The following MECOM variants were observed in gnomAD, a reference collection of about 807,000 sequenced individuals.
The protein encoded by MECOM is MDS1 and EVI1 complex locus, also known as histone-lysine N-methyltransferase MECOM.
MECOM carries 13 observed loss-of-function variants against 116.3 expected under a neutral mutation model. The ratio of observed to expected loss-of-function variants is 0.11; its 90% confidence interval spans 0.07 to 0.18. The LOEUF (loss-of-function observed/expected upper bound fraction) is 0.18, where lower values mean the gene tolerates loss of function less well. Ranked by LOEUF, MECOM falls within the 10% of genes least tolerant of loss-of-function variation. The pLI, the probability that MECOM is intolerant of heterozygous loss-of-function variation, is 1.00. For synonymous variants in MECOM, 528 were observed against 535.2 expected (o/e 0.99, Z 0.19); for missense variants, 1,299 against 1,509.0 (o/e 0.86, Z 2.31).
chr3:169,630,859 G>T (rs1193762997), intron 1 of MECOM, among the ~76,000 whole-genome samples: 1 of 152,156 alleles, frequency 6.6e-6, no homozygotes, highest in African/African-American at 2.4e-5. Context: ...CCACTACTTG[G>T]TTTGCATAAA....
At chr3:169,402,919 G>T (rs893208288) in intron 1 of MECOM, among the ~76,000 whole-genome samples, 1 of 152,062 alleles carries the variant, frequency 6.6e-6, no homozygotes, top group African/African-American at 2.4e-5. Flanking sequence ...CTCAGGAAAG[G>T]CTCCAAAACC....
intron 16 of MECOM, among the ~76,000 whole-genome samples, chr3:169,087,590 C>T (rs1334653813): frequency 6.6e-6 from 1 of 152,088 alleles, no homozygotes; most frequent in African/African-American, 2.4e-5. Context: ...GAGTGAGACC[C>T]TGTCTCAAAA....
chr3:169,178,165 A>C (rs1192294922), intron 2 of MECOM, among the ~76,000 whole-genome samples: 2 of 152,218 alleles, frequency 1.3e-5, no homozygotes, highest in African/African-American at 2.4e-5. Context: ...ATACATGTAT[A>C]TATGAAATGT....
At chr3:169,482,965 G>T (rs988049605) in intron 1 of MECOM, among the ~76,000 whole-genome samples, 3 of 152,090 alleles carry the variant, frequency 2.0e-5, no homozygotes, top group African/African-American at 7.2e-5. Context: ...AAGATTAATT[G>T]TTCCTGTAAA....
chr3:169,644,656 T>C (rs1333737779), intron 1 of MECOM, among the ~76,000 whole-genome samples: 1 of 152,206 alleles, frequency 6.6e-6, no homozygotes, highest in African/African-American at 2.4e-5. Context: ...TTTCAACAAT[T>C]GAACCATCAT....
At chr3:169,171,534 C>T (rs1405508483) in intron 2 of MECOM, among the ~76,000 whole-genome samples, 4 of 151,470 alleles carry the variant, frequency 2.6e-5, no homozygotes, top group African/African-American at 9.7e-5. Context: ...CTATTGTAAT[C>T]CTTTAAAAAG....
At chr3:169,248,027 G>T (rs1292317558) in intron 2 of MECOM, among the ~76,000 whole-genome samples, 2 of 152,186 alleles carry the variant, frequency 1.3e-5, no homozygotes, top group African/African-American at 4.8e-5. Flanking sequence ...TTATGTCATA[G>T]ATAGGTTGTG....
intron 1 of MECOM, among the ~76,000 whole-genome samples, chr3:169,627,435 A>C (rs1027693183): frequency 6.6e-6 from 1 of 152,254 alleles, no homozygotes; most frequent in African/African-American, 2.4e-5. Flanking sequence ...CACTGCATGA[A>C]ATACACATTG....
At chr3:169,412,531 A>T (rs2108459513) in intron 1 of MECOM, among the ~76,000 whole-genome samples, 1 of 152,174 alleles carries the variant, frequency 6.6e-6, no homozygotes, top group South Asian at 2.1e-4. Flanking sequence ...GCTACGATCT[A>T]TTGATTTTCA....
intron 1 of MECOM, among the ~76,000 whole-genome samples, chr3:169,659,159 A>T (rs965125631): frequency 4.0e-5 from 6 of 151,760 alleles, no homozygotes; most frequent in Non-Finnish European, 8.8e-5. Context: ...CTACATGTTG[A>T]ATGTCTGTCC....
At chr3:169,260,527 C>A (rs575455673) in intron 2 of MECOM, among the ~76,000 whole-genome samples, 2 of 150,708 alleles carry the variant, frequency 1.3e-5, no homozygotes, top group Non-Finnish European at 2.9e-5. Flanking sequence ...GTTAAATCTG[C>A]GAAAAGTAAG....
intron 2 of MECOM, among the ~76,000 whole-genome samples, chr3:169,182,098 G>C (rs1746041069): frequency 6.6e-6 from 1 of 152,162 alleles, no homozygotes; most frequent in Admixed American, 6.5e-5. Context: ...CTTGAACTGA[G>C]TCTAAATATT....
chr3:169,259,869 G>A (rs1757335744), intron 2 of MECOM, among the ~76,000 whole-genome samples: 1 of 152,246 alleles, frequency 6.6e-6, no homozygotes, highest in South Asian at 2.1e-4. Flanking sequence ...CCTGGAGTCT[G>A]ACAGTGTGGG....
At chr3:169,541,673 C>G (rs1462261997) in intron 1 of MECOM, among the ~76,000 whole-genome samples, 1 of 152,188 alleles carries the variant, frequency 6.6e-6, no homozygotes, top group Non-Finnish European at 1.5e-5. Context: ...GGCTGCCATT[C>G]CGGATGCCCC....
intron 2 of MECOM, among the ~76,000 whole-genome samples, chr3:169,181,271 T>C (rs987377132): frequency 6.6e-6 from 1 of 152,184 alleles, no homozygotes; most frequent in African/African-American, 2.4e-5. Context: ...CGGCAGCTAC[T>C]AGCCACATGT....
intron 1 of MECOM, among the ~76,000 whole-genome samples, chr3:169,391,477 T>C (rs535968908): frequency 2.0e-5 from 3 of 152,250 alleles, no homozygotes; most frequent in South Asian, 4.2e-4. Context: ...GGCCCCCATA[T>C]TGAGTTTCCC....
intron 1 of MECOM, among the ~76,000 whole-genome samples, chr3:169,658,855 G>A (rs73032053): frequency 3.4e-4 from 52 of 152,252 alleles, no homozygotes; most frequent in African/African-American, 1.2e-3. Flanking sequence ...GAGGCAACGC[G>A]CAGGGGGGTG....
intron 3 of MECOM, chr3:169,133,569 AAT>A (rs769129813): frequency 6.1e-6 from 1 of 163,016 alleles, no homozygotes; most frequent in East Asian, 1.6e-4. Flanking sequence ...ATGTTGCTAT[AAT>A]ATGTTATAAT....
intron 2 of MECOM, among the ~76,000 whole-genome samples, chr3:169,200,984 A>G (rs1749071929): frequency 6.6e-6 from 1 of 152,072 alleles, no homozygotes; most frequent in South Asian, 2.1e-4. Flanking sequence ...TAACTCCCAC[A>G]AGCTATCTTA....
Sources: allele counts gnomAD v4.1 joint callset (sites outside exome capture counted in the v4.1 genomes callset), GRCh38; gene constraint gnomAD v4.1.1; transcripts MANE v1.5; gene names NCBI Gene and HGNC (gene_info 2026-07-23, HGNC 2026-07-21).